Variants in NEGR1 observed in about 807,000 individuals in gnomAD.
NEGR1 encodes IgLON family member 4.
A neutral mutation model predicts 40.9 loss-of-function variants in NEGR1; 10 were observed. The observed-to-expected ratio is 0.24, with a 90% CI of 0.15 to 0.42. The LOEUF (loss-of-function observed/expected upper bound fraction) is 0.42. NEGR1 is among the 10% of genes least tolerant of loss of function. The probability of loss-of-function intolerance (pLI) is 1.00; values close to 1 mark genes in which losing one functional copy is unlikely to be tolerated. For synonymous variants in NEGR1, 185 were observed against 166.8 expected (o/e 1.11, Z -0.84); for missense variants, 352 against 438.9 (o/e 0.80, Z 1.77).
chr1:71,641,272 T>C (rs1018147672), intron 4 of NEGR1, among the ~76,000 whole-genome samples: 1 of 152,090 alleles, frequency 6.6e-6, no homozygotes, highest in African/African-American at 2.4e-5. Flanking sequence ...CAGTGTGTTA[T>C]AGCTGATATA....
intron 1 of NEGR1, among the ~76,000 whole-genome samples, chr1:72,080,435 A>T (rs1318955675): frequency 6.6e-6 from 1 of 152,102 alleles, no homozygotes; most frequent in African/African-American, 2.4e-5. Flanking sequence ...TTATGCATTC[A>T]AAAACTATTT....
At chr1:71,763,822 GA>G (rs1289472688) in intron 3 of NEGR1, among the ~76,000 whole-genome samples, 1 of 150,928 alleles carries the variant, frequency 6.6e-6, no homozygotes, top group Non-Finnish European at 1.5e-5. Context: ...AAAACATCAG[GA>G]AAAAAAACAC....
At chr1:71,446,799 C>A (rs1030064770) in intron 6 of NEGR1, among the ~76,000 whole-genome samples, 1 of 152,170 alleles carries the variant, frequency 6.6e-6, no homozygotes, top group African/African-American at 2.4e-5. Flanking sequence ...ACTACGTCCC[C>A]CTTCTAGTAA....
intron 1 of NEGR1, among the ~76,000 whole-genome samples, chr1:72,210,538 G>A (rs1336219328): frequency 6.6e-6 from 1 of 151,892 alleles, no homozygotes; most frequent in Admixed American, 6.6e-5. Flanking sequence ...GCATTTGGCA[G>A]ACATTTGCTT....
intron 1 of NEGR1, among the ~76,000 whole-genome samples, chr1:72,269,624 T>C (rs1655775591): frequency 6.6e-6 from 1 of 151,674 alleles, no homozygotes; most frequent in Non-Finnish European, 1.5e-5. Flanking sequence ...AAAGTATAGT[T>C]TGTTGTGAGG....
chr1:71,989,754 T>A (rs145090421), intron 1 of NEGR1, among the ~76,000 whole-genome samples: 7 of 152,330 alleles, frequency 4.6e-5, no homozygotes, highest in African/African-American at 1.7e-4. Flanking sequence ...CTTTTTTAAA[T>A]AAAATATGAA....
intron 1 of NEGR1, among the ~76,000 whole-genome samples, chr1:72,145,011 A>G (rs1230501117): frequency 6.6e-6 from 1 of 152,112 alleles, no homozygotes; most frequent in Non-Finnish European, 1.5e-5. Flanking sequence ...CCTTGTTAAA[A>G]GCATGTCAGT....
intron 4 of NEGR1, among the ~76,000 whole-genome samples, chr1:71,686,034 A>C (rs1653025195): frequency 1.7e-4 from 1 of 5,876 alleles, no homozygotes; most frequent in Non-Finnish European, 1.6e-3. Flanking sequence ...TGAGACTCAT[A>C]GACTTTTTTT....
chr1:71,978,705 A>G (rs1417722761), intron 1 of NEGR1, among the ~76,000 whole-genome samples: 4 of 152,110 alleles, frequency 2.6e-5, no homozygotes, highest in Non-Finnish European at 4.4e-5. Flanking sequence ...ATCAAAAATA[A>G]CATGCTAGCA....
chr1:72,195,417 T>C (rs1228328140), intron 1 of NEGR1, among the ~76,000 whole-genome samples: 2 of 151,974 alleles, frequency 1.3e-5, no homozygotes, highest in East Asian at 3.9e-4. Context: ...CTTTTAAAAG[T>C]CCACGTTAAT....
chr1:71,601,878 G>A (rs1024400542), intron 5 of NEGR1, among the ~76,000 whole-genome samples: 2 of 151,976 alleles, frequency 1.3e-5, no homozygotes, highest in Non-Finnish European at 2.9e-5. Flanking sequence ...TGGGTGTCGG[G>A]TGCCCTAGAA....
chr1:72,067,232 A>T (rs1408689354), intron 1 of NEGR1, among the ~76,000 whole-genome samples: 1 of 152,118 alleles, frequency 6.6e-6, no homozygotes, highest in Non-Finnish European at 1.5e-5. Context: ...ATGTTTGGTA[A>T]TATCCTATAC....
intron 2 of NEGR1, among the ~76,000 whole-genome samples, chr1:71,777,817 TGAG>T (rs1001274137): frequency 2.0e-5 from 3 of 152,000 alleles, no homozygotes; most frequent in Non-Finnish European, 4.4e-5. Flanking sequence ...TTGATATGAT[TGAG>T]GAGAAGGCTT....
At chr1:71,909,493 T>C (rs1323575383) in intron 2 of NEGR1, among the ~76,000 whole-genome samples, 1 of 152,226 alleles carries the variant, frequency 6.6e-6, no homozygotes, top group Non-Finnish European at 1.5e-5. Flanking sequence ...TCAAGAGAAA[T>C]TTCTTCAATC....
chr1:71,513,916 C>G (rs999037701), intron 6 of NEGR1, among the ~76,000 whole-genome samples: 3 of 145,642 alleles, frequency 2.1e-5, no homozygotes, highest in African/African-American at 7.7e-5. Context: ...ACCTGGGAAG[C>G]GCAAGGGGTC....
At chr1:72,116,377 G>C (rs1195136089) in intron 1 of NEGR1, among the ~76,000 whole-genome samples, 2 of 151,686 alleles carry the variant, frequency 1.3e-5, no homozygotes, top group Admixed American at 1.3e-4. Flanking sequence ...CATTTTAAAA[G>C]AATTGCTTTG....
At chr1:72,187,978 G>C (rs1652671654) in intron 1 of NEGR1, among the ~76,000 whole-genome samples, 1 of 151,256 alleles carries the variant, frequency 6.6e-6, no homozygotes, top group African/African-American at 2.4e-5. Flanking sequence ...CTCTACTCCG[G>C]AGAATTTAAT....
At chr1:71,572,247 C>G (rs1648832030) in intron 6 of NEGR1, among the ~76,000 whole-genome samples, 1 of 152,094 alleles carries the variant, frequency 6.6e-6, no homozygotes, top group South Asian at 2.1e-4. Context: ...TCTTGCAACA[C>G]ATAGCAAGTC....
At chr1:71,662,411 A>C (rs972798471) in intron 4 of NEGR1, among the ~76,000 whole-genome samples, 1 of 152,198 alleles carries the variant, frequency 6.6e-6, no homozygotes, top group African/African-American at 2.4e-5. Context: ...AGCTATTGAG[A>C]ATAGCTCCTC....
Sources: allele counts gnomAD v4.1 joint callset (sites outside exome capture counted in the v4.1 genomes callset), GRCh38; gene constraint gnomAD v4.1.1; transcripts MANE v1.5; gene names NCBI Gene and HGNC (gene_info 2026-07-23, HGNC 2026-07-21).